SEC24C: variants seen among roughly 807,000 people sequenced by gnomAD.
The protein encoded by SEC24C is SEC24 homolog C, COPII component.
In SEC24C, 22 loss-of-function variants were observed where a neutral mutation model predicts 117.0. The ratio of observed to expected loss-of-function variants is 0.19; its 90% CI spans 0.13 to 0.27. The LOEUF (loss-of-function observed/expected upper bound fraction) is 0.27. SEC24C is among the 10% of genes least tolerant of loss of function. The probability of loss-of-function intolerance (pLI) is 1.00; values close to 1 mark genes in which losing one functional copy is unlikely to be tolerated. For missense variants in SEC24C, 1,155 were observed against 1,375.1 expected (o/e 0.84, Z 2.53); for synonymous variants, 506 against 529.4 (o/e 0.96, Z 0.61).
chr10:73,759,923 C>T, intron 4 of SEC24C, 95 bp from the exon 5 acceptor site: 4 of 1,491,524 alleles, frequency 2.7e-6, no homozygotes, highest in Non-Finnish European at 2.7e-6. Flanking sequence ...ATGGGACAGT[C>T]ATATTTGCCC....
At chr10:73,764,976 G>A (rs2082858597) in intron 8 of SEC24C, among the ~76,000 whole-genome samples, 1 of 152,240 alleles carries the variant, frequency 6.6e-6, no homozygotes, top group Non-Finnish European at 1.5e-5. Flanking sequence ...TCTCTTATGT[G>A]TAGGGTGACA....
chr10:73,763,666 GCTTT>G, intron 7 of SEC24C, 65 bp downstream of exon 7: 113 of 212,300 alleles, frequency 5.3e-4, no homozygotes, highest in South Asian at 9.9e-4. Flanking sequence ...TATGGTTGGG[GCTTT>G]TTTTTTTTTT....
chr10:73,749,451 T>C (rs1401065390), intron 2 of SEC24C, among the ~76,000 whole-genome samples: 2 of 152,200 alleles, frequency 1.3e-5, no homozygotes, highest in African/African-American at 4.8e-5. Flanking sequence ...GCTTCTTAGA[T>C]GCTCTGTAAT....
At chr10:73,765,138 T>C (rs1249920289) in intron 8 of SEC24C, among the ~76,000 whole-genome samples, 1 of 152,172 alleles carries the variant, frequency 6.6e-6, no homozygotes, top group Non-Finnish European at 1.5e-5. Context: ...TCCTAGATAA[T>C]CTTGGCTTTC....
intron 3 of SEC24C, among the ~76,000 whole-genome samples, chr10:73,755,396 G>T (rs892446027): frequency 2.6e-5 from 4 of 152,118 alleles, no homozygotes; most frequent in Non-Finnish European, 4.4e-5. Flanking sequence ...CAGAGTTTCA[G>T]GCCAGGCGCG....
At position 73,769,636 on chromosome 10, in the gene SEC24C, G is replaced by T. The variant is rs759337386; in HGVS notation, c.2585G>T (p.Ser862Ile). 1 of 1,613,956 alleles carries T rather than the reference G, an allele frequency of 6.2e-7. No individual in the cohort carries two copies. The highest frequency in any genetic ancestry group is 1.3e-5 in the African/African-American group (1 of 74,888). ...AKFAYRGVLNSPVKAVRDTLI... is the reference protein window; with the variant it reads ...AKFAYRGVLNIPVKAVRDTLI... ...CCAGCATATCGGGGAGTCCTGAATA[G>T]CCCTGTGAAGGCTGTTCGTGACACG... is the stretch of plus-strand genomic sequence containing the variant. The change falls in exon 19 of 23, where the codon AGC becomes ATC. Residue 862 changes from serine (S) to isoleucine (I), a missense_variant. Around this residue, in one of 2 missense-constraint regions of SEC24C, gnomAD observed 759 missense variants for 992.3 expected, o/e 0.76. Coordinates refer to ENST00000345254, the MANE Select transcript of SEC24C (RefSeq NM_198597.3). This position sits in a 1 kb window ranked among gnomAD's most constrained non-coding sequence, Gnocchi z 4.5.
chr10:73,770,382 C>T lies in SEC24C; in HGVS notation c.2965C>T (p.Leu989Phe), dbSNP rs149858657. 1.2e-6 allele frequency: 2 copies of T among 1,613,888 alleles called. No homozygotes were observed. Among genetic ancestry groups the T allele is most frequent in the African/African-American group, 2.7e-5 (2 of 74,860 alleles). ...ATATTTACTGGAGAATGGGCTCAAC[C>T]TCTTCCTCTGGGTGGGAGCAAGCGT... ...DIYLLENGLNLFLWVGASVQQ... is the reference protein window; with the variant it reads ...DIYLLENGLNFFLWVGASVQQ... The change falls in exon 21 of 23, where the codon CTC becomes TTC. Residue 989 changes from leucine to phenylalanine, a missense_variant. This residue lies in a region of SEC24C where 759 missense variants were observed against 992.3 expected (regional missense o/e 0.76). Coordinates refer to ENST00000345254, the MANE Select transcript of SEC24C (RefSeq NM_198597.3).
rs183726209 is a variant in SEC24C, at chr10:73,767,786, C to T, written c.2011-51C>T. The stretch of plus-strand genomic sequence containing the variant: ...CTAGATATACAGTTTTCAAATAGGG[C>T]GGAGCTGAGATATTTGAACATTTTC... On this transcript the variant is annotated intron_variant, in intron 14 of 22. Coordinates refer to ENST00000345254, the MANE Select transcript of SEC24C (RefSeq NM_198597.3). The T allele has an allele frequency of 2.6e-3, 3,674 of 1,439,844 alleles. 12 individuals carry two copies. The highest frequency in any genetic ancestry group is 3.0e-3 in the Non-Finnish European group (3,143 of 1,053,434). The allele number at this position is 1,439,844 out of a possible 1,614,324, so 89.2% of individuals were successfully genotyped here. A position where few individuals can be genotyped will look rare whatever the true frequency, so the allele number is the denominator to read the frequency against.
chr10:73,768,886 T>C lies in SEC24C; in HGVS notation c.2258T>C (p.Met753Thr). Residue 753 changes from methionine (M) to threonine (T), a missense_variant, in exon 16 of 23, where the codon ATG becomes ACG. This residue lies in a region of SEC24C where 759 missense variants were observed against 992.3 expected (regional missense o/e 0.76). Transcript: ENST00000345254. ...VQKVVGFDAV[M>T]RVRTSTGIRA... ...AAGGTTGTTGGCTTTGATGCTGTGATGCGGGTCCGGACAAGCACTGGTCAG... is the reference window on the plus strand; with the variant it reads ...AAGGTTGTTGGCTTTGATGCTGTGACGCGGGTCCGGACAAGCACTGGTCAG... 1 of 1,614,168 alleles carries C rather than the reference T, an allele frequency of 6.2e-7. No individual in the cohort carries two copies. Among genetic ancestry groups the C allele is most frequent in the Non-Finnish European group, 8.5e-7 (1 of 1,180,044 alleles).
In SEC24C at chr10:73,751,088, T is replaced by C. The variant is rs765986976; in HGVS notation, c.173-20T>C. ...AGAAAGTTATTTCCCAATCACTTAG[T>C]TTCTGTCCTTTACCCTCAGGTATGT... is the stretch of plus-strand genomic sequence containing the variant. On this transcript the variant is annotated intron_variant, in intron 2 of 22. Coordinates refer to ENST00000345254, the MANE Select transcript of SEC24C (RefSeq NM_198597.3). The C allele has an allele frequency of 1.4e-5, 22 of 1,609,576 alleles. No individual in the cohort carries two copies. The highest frequency in any genetic ancestry group is 1.3e-4 in the East Asian group (6 of 44,812).
At position 73,762,235 on chromosome 10, in the gene SEC24C, C is replaced by T. The variant is rs2082808546; in HGVS notation, c.988-1255C>T. On this transcript the variant is annotated intron_variant, in intron 6 of 22. Coordinates refer to ENST00000345254, the MANE Select transcript of SEC24C (RefSeq NM_198597.3). ...AGTGCCATCCATGCATGCCTGTGAC[C>T]TCATCTTCACCTCATCTACCATGTC... The T allele has an allele frequency of 2.9e-6, 3 of 1,048,226 alleles. No individual in the cohort carries two copies. In the South Asian group the frequency reaches 3.9e-5, roughly 14 times the overall value. The allele number at this position is 1,048,226 out of a possible 1,614,324, so 64.9% of individuals were successfully genotyped here. A position where few individuals can be genotyped will look rare whatever the true frequency, so the allele number is the denominator to read the frequency against.
chr10:73,767,043 T>C lies in SEC24C; in HGVS notation c.1894-11T>C. 6.2e-7 allele frequency: 1 copy of C among 1,603,062 alleles called. No individual in the cohort carries two copies. Among genetic ancestry groups the C allele is most frequent in the South Asian group, 1.1e-5 (1 of 90,758 alleles). On this transcript the variant is annotated splice_polypyrimidine_tract_variant and intron_variant, in intron 13 of 22. Coordinates refer to ENST00000345254, the MANE Select transcript of SEC24C (RefSeq NM_198597.3). ...TAAAGAATAAACAAGTAGTCCTCTC[T>C]TTTTTCCTAGGCTGCTGAGTGTGCA...
At chr10:73,747,831 G>A (rs971533473) in intron 2 of SEC24C, among the ~76,000 whole-genome samples, 2 of 151,728 alleles carry the variant, frequency 1.3e-5, no homozygotes, top group Non-Finnish European at 2.9e-5. Flanking sequence ...TGCTAATTTT[G>A]TATCTTTAGT....
chr10:73,746,175 A>AG (rs1554965921), intron 1 of SEC24C, among the ~76,000 whole-genome samples: 16 of 151,690 alleles, frequency 1.1e-4, no homozygotes, highest in African/African-American at 3.6e-4. Context: ...AAAAAAAAAA[A>AG]AAAAAAACCT....
At chr10:73,767,686 T>C in intron 14 of SEC24C, 151 bp from the exon 15 acceptor site, 1 of 540,560 alleles carries the variant, frequency 1.8e-6, no homozygotes, top group Non-Finnish European at 3.0e-6. Flanking sequence ...AAAAATAATA[T>C]AAAAGAAAAT....
At chr10:73,752,162 C>A (rs902344935) in intron 3 of SEC24C, 2 of 151,950 alleles carry the variant, frequency 1.3e-5, no homozygotes, top group African/African-American at 2.4e-5. Context: ...CACTCCGTGG[C>A]CCAAGCTAGA....
rs767551015 is a variant in SEC24C, at chr10:73,766,456, GT to G, written c.1716del (p.Val573CysfsTer58). The G allele has an allele frequency of 6.2e-7, 1 of 1,614,174 alleles. No individual in the cohort carries two copies. Among genetic ancestry groups the G allele is most frequent in the Non-Finnish European group, 8.5e-7 (1 of 1,180,046 alleles). ...KSSLAQPQMMVVSDVADMFVP... is the reference protein window; with the variant it reads ...KSSLAQPQMMXVSDVADMFVP... ...CTCATTGGCCCAGCCACAGATGATG[GT>G]TGTGTCTGATGTGGCTGACATGTTT... On this transcript the variant is annotated frameshift_variant, in exon 12 of 23. Transcript: ENST00000345254. LOFTEE classifies it high-confidence loss of function.
Position 73,769,922 on chromosome 10 carries a change from C to T in SEC24C, c.2769C>T (p.Val923=), listed in dbSNP as rs1161710299. 2 of 1,614,174 alleles carry T rather than the reference C, an allele frequency of 1.2e-6. No individual in the cohort carries two copies. Among genetic ancestry groups the T allele is most frequent in the South Asian group, 2.2e-5 (2 of 91,076 alleles). The change falls in exon 20 of 23, where the codon GTC becomes GTT. Residue 923 remains valine, a synonymous_variant. Coordinates refer to ENST00000345254, the MANE Select transcript of SEC24C (RefSeq NM_198597.3). This position sits in a 1 kb window ranked among gnomAD's most constrained non-coding sequence, Gnocchi z 4.5. ...ATGTCCTGCAGCCTGGAGCTGAAGT[C>T]ACTACTGATGACCGTGCCTATGTCC... The part of the protein sequence containing the change: ...KSDVLQPGAE[V]TTDDRAYVRQ...
At chr10:73,760,623 AT>A in intron 5 of SEC24C, 89 bp from the exon 6 acceptor site, 1 of 1,356,200 alleles carries the variant, frequency 7.4e-7, no homozygotes, top group South Asian at 1.4e-5. Flanking sequence ...TCATAATTCT[AT>A]GTTTTTAGGA....
Sources: gnomAD v4.1 joint callset for allele counts (sites outside exome capture counted in the v4.1 genomes callset) on GRCh38, gnomAD v4.1.1 for gene constraint, gnomAD v4.1.1 regional missense constraint, Gnocchi (gnomAD v3.1) non-coding constraint, MANE v1.5 for transcripts, NCBI Gene and HGNC (gene_info 2026-07-23, HGNC 2026-07-21) for gene names.